Variants in ASH2L observed in about 807,000 individuals in gnomAD.
ASH2L encodes the protein ASH2 like, histone lysine methyltransferase complex subunit, also known as set1/Ash2 histone methyltransferase complex subunit ASH2.
ASH2L carries 30 observed loss-of-function variants against 81.1 expected under a neutral mutation model. The observed-to-expected ratio is 0.37, with a 90% CI of 0.28 to 0.50. The LOEUF (loss-of-function observed/expected upper bound fraction) is 0.50. ASH2L is among the 20% of genes least tolerant of loss of function. The pLI, the probability that ASH2L is intolerant of heterozygous loss-of-function variation, is 0.95. For synonymous variants in ASH2L, 273 were observed against 279.9 expected, an observed-to-expected ratio of 0.98 and a Z score of 0.24; for missense variants, 559 against 792.1, an observed-to-expected ratio of 0.71 and a Z score of 3.53.
rs887238487 is a variant in ASH2L, at chr8:38,106,128, A to G, written c.189-250A>G. The G allele has an allele frequency of 6.5e-6, 10 of 1,528,178 alleles. No individual in the cohort carries two copies. In the Admixed American group the frequency reaches 1.2e-4, roughly 18 times the overall value. The allele number at this position is 1,528,178 out of a possible 1,614,324, so 94.7% of individuals were successfully genotyped here. A position where few individuals can be genotyped will look rare whatever the true frequency, so the allele number is the denominator to read the frequency against. ...TCTCTTTGAACCTCTCCCAGGACCA[A>G]CTCTAACCCAGGTAGATTTGACTGT... On this transcript the variant is annotated intron_variant, in intron 1 of 15. Transcript: ENST00000343823.
At position 38,110,802 on chromosome 8, in the gene ASH2L, A is replaced by G. The variant is rs947729118; in HGVS notation, c.554A>G (p.Glu185Gly). The change falls in exon 5 of 16, where the codon GAA (glutamate) becomes GGA (glycine). Residue 185 changes from glutamate to glycine, a missense_variant. Coordinates refer to ENST00000343823, the MANE Select transcript of ASH2L (RefSeq NM_004674.5). ...NLTWQSRTQD[E>G]HPKTMFSKDK... is the part of the protein sequence containing the mutation. ...ACATGGCAGTCCCGAACACAGGATG[A>G]ACATCCGAAGACAATGTTCTCCAAA... The G allele has an allele frequency of 6.2e-7, 1 of 1,613,944 alleles. No individual in the cohort carries two copies. Among genetic ancestry groups the G allele is most frequent in the African/African-American group, 1.3e-5 (1 of 75,068 alleles).
intron 13 of ASH2L, among the ~76,000 whole-genome samples, chr8:38,134,759 GAA>G (rs1364154245): frequency 6.6e-6 from 1 of 152,120 alleles, no homozygotes. Flanking sequence ...TTTTAGGAAA[GAA>G]ATACTAAAGA....
chr8:38,121,258 AC>A, intron 10 of ASH2L, 109 bp downstream of exon 10: 2 of 909,016 alleles, frequency 2.2e-6, no homozygotes, highest in Non-Finnish European at 3.4e-6. Flanking sequence ...CCACTGCCTC[AC>A]CCCCATCTCT....
intron 5 of ASH2L, among the ~76,000 whole-genome samples, chr8:38,113,935 A>G (rs1240906546): frequency 6.6e-6 from 1 of 152,218 alleles, no homozygotes; most frequent in Non-Finnish European, 1.5e-5. Flanking sequence ...TTTCTCTCCA[A>G]TTGGAGTGTA....
intron 7 of ASH2L, 132 bp from the exon 8 acceptor site, chr8:38,116,518 G>A: frequency 1.4e-6 from 1 of 715,614 alleles, no homozygotes; most frequent in Non-Finnish European, 2.4e-6. Flanking sequence ...GGGCAATAGA[G>A]TAAGGCCCCA....
chr8:38,107,208 A>G, intron 3 of ASH2L, 42 bp downstream of exon 3: 2 of 1,609,258 alleles, frequency 1.2e-6, no homozygotes, highest in South Asian at 1.1e-5. Context: ...GCTCGGTAAA[A>G]TAAATCTGAA....
At chr8:38,135,560 A>G in intron 13 of ASH2L, 108 bp from the exon 14 acceptor site, 1 of 706,914 alleles carries the variant, frequency 1.4e-6, no homozygotes. Flanking sequence ...TTCTTGGGTG[A>G]GTGACTAGCA....
Position 38,114,182 on chromosome 8 carries a change from T to G in ASH2L, c.586-10T>G. ...CAGCAGTAATAGTCTTAATTTATTT[T>G]GAAAATTAGGATATTATACCATTTA... On this transcript the variant is annotated splice_polypyrimidine_tract_variant and intron_variant, in intron 5 of 15. Coordinates refer to ENST00000343823, the MANE Select transcript of ASH2L (RefSeq NM_004674.5). 6.7e-7 allele frequency: 1 copy of G among 1,492,836 alleles called. No homozygotes were observed. Among genetic ancestry groups the G allele is most frequent in the Non-Finnish European group, 9.1e-7 (1 of 1,095,168 alleles). The allele number at this position is 1,492,836 out of a possible 1,614,324, so 92.5% of individuals were successfully genotyped here. A position where few individuals can be genotyped will look rare whatever the true frequency, so the allele number is the denominator to read the frequency against.
rs370082315 is a variant in ASH2L, at chr8:38,138,778, C to A, written c.1720-38C>A. 29 of 1,593,758 alleles carry A rather than the reference C, an allele frequency of 1.8e-5. No individual in the cohort carries two copies. In the African/African-American group the frequency reaches 3.5e-4, roughly 19 times the overall value. On this transcript the variant is annotated intron_variant, in intron 14 of 15. Coordinates refer to ENST00000343823, the MANE Select transcript of ASH2L (RefSeq NM_004674.5). ...ATTAACTTTTCCAATATTTTTTGTC[C>A]ATTTTTTCCATGTCTGCTTGAATTG... is the stretch of plus-strand genomic sequence containing the variant.
intron 1 of ASH2L, 147 bp downstream of exon 1, chr8:38,105,885 C>A: frequency 6.9e-7 from 1 of 1,442,490 alleles, no homozygotes; most frequent in Non-Finnish European, 9.1e-7. Context: ...CTTGGCCCGT[C>A]CCCTCTCAAG....
rs11285350 is a variant in ASH2L, at chr8:38,108,517, T to TAA, written c.401+1363_401+1364dup. 1.4e-3 allele frequency among the ~76,000 whole-genome samples: 208 copies of TAA among 145,154 alleles called. 4 individuals carry two copies. The highest frequency in any genetic ancestry group is 5.3e-3 in the East Asian group (25 of 4,676). ...TTAGATCCTATCAGTGGTATCAAGT[T>TAA]AAAAAAAAAAAAAGGTGGGGGGCCA... On this transcript the variant is annotated intron_variant, in intron 3 of 15. Coordinates refer to ENST00000343823, the MANE Select transcript of ASH2L (RefSeq NM_004674.5).
chr8:38,124,877 G>T (rs181766659), intron 10 of ASH2L, among the ~76,000 whole-genome samples: 2 of 152,352 alleles, frequency 1.3e-5, no homozygotes, highest in African/African-American at 4.8e-5. Flanking sequence ...GCTAAAAGAA[G>T]CATGGCACCA....
At chr8:38,134,730 A>G (rs772237597) in intron 13 of ASH2L, among the ~76,000 whole-genome samples, 1 of 143,394 alleles carries the variant, frequency 7.0e-6, no homozygotes, top group Non-Finnish European at 1.5e-5. Context: ...GGTGAAATAA[A>G]GAAACGAGTT....
At chr8:38,138,433 G>T (rs1802355815) in intron 14 of ASH2L, 1 of 189,612 alleles carries the variant, frequency 5.3e-6, no homozygotes, top group Non-Finnish European at 1.1e-5. Flanking sequence ...TTCACATAAG[G>T]TAAGGTGAAC....
At position 38,139,147 on chromosome 8, in the gene ASH2L, A is replaced by G; in HGVS notation, c.*76A>G. ...TTGTTTTTGTTTTTGAACTGTCTCA[A>G]ATGTTCTCCCAAAGATGCTAAAAAC... is the stretch of plus-strand genomic sequence containing the variant. On this transcript the variant is annotated 3_prime_UTR_variant, in exon 16 of 16. Transcript: ENST00000343823. The G allele has an allele frequency of 8.6e-7, 1 of 1,169,292 alleles. No homozygotes were observed. Among genetic ancestry groups the G allele is most frequent in the Non-Finnish European group, 1.2e-6 (1 of 840,006 alleles). The allele number at this position is 1,169,292 out of a possible 1,614,324, so 72.4% of individuals were successfully genotyped here.
rs1235540573 is a variant in ASH2L at position 38,136,773 on chromosome 8, A to G, written c.1719+1007A>G. Among the ~76,000 whole-genome samples, 6 of 129,698 alleles carry G rather than the reference A, an allele frequency of 4.6e-5. No homozygotes were observed. In the Admixed American group the frequency reaches 5.1e-4, roughly 11 times the overall value. The allele number at this position is 129,698 out of a possible 152,430, so 85.1% of individuals were successfully genotyped here. The stretch of plus-strand genomic sequence containing the variant: ...GGGTGACAAAACGAGACTCTGTGTC[A>G]AAAAAAAAAAAAAGAAAGAAAAGAA... On this transcript the variant is annotated intron_variant, in intron 14 of 15. Coordinates refer to ENST00000343823, the MANE Select transcript of ASH2L (RefSeq NM_004674.5).
intron 3 of ASH2L, among the ~76,000 whole-genome samples, chr8:38,107,868 A>ATGTGTGTGTGTGTGTGTG (rs10542885): frequency 7.1e-6 from 1 of 141,396 alleles, no homozygotes; most frequent in Non-Finnish European, 1.6e-5. Flanking sequence ...AAATACATAT[A>ATGTGTGTGTGTGTGTGTG]TGTGTGTGTG....
Position 38,105,719 on chromosome 8 carries a change from T to C in ASH2L, c.169T>C (p.Ser57Pro), listed in dbSNP as rs764087680. ...ISAAPTVEPS[S>P]GEAEGGEANL... ...TGCTGCTCCGACAGTTGAGCCCAGT[T>C]CCGGGGAGGCTGAAGGCGGGTAAGA... The change falls in exon 1 of 16, where the codon TCC (serine) becomes CCC (proline). Residue 57 changes from serine (S) to proline (P), a missense_variant. Coordinates refer to ENST00000343823, the MANE Select transcript of ASH2L (RefSeq NM_004674.5). 4 of 1,534,942 alleles carry C rather than the reference T, an allele frequency of 2.6e-6. No homozygotes were observed. In the South Asian group the frequency reaches 4.9e-5, roughly 19 times the overall value.
intron 10 of ASH2L, among the ~76,000 whole-genome samples, 189 bp downstream of exon 10, chr8:38,121,338 TATATA>T (rs1563255672): frequency 0.31 from 35,330 of 112,682 alleles, 6,453 homozygotes; most frequent in South Asian, 0.37. Context: ...TTTATTTATA[TATATA>T]TATATATATA....
Sources: allele counts gnomAD v4.1 joint callset (sites outside exome capture counted in the v4.1 genomes callset), GRCh38; gene constraint gnomAD v4.1.1; transcripts MANE v1.5; gene names NCBI Gene and HGNC (gene_info 2026-07-23, HGNC 2026-07-21).